Variants in EFCAB5 observed in about 807,000 individuals in gnomAD.
The protein encoded by EFCAB5 is EF-hand calcium-binding domain-containing protein 5.
A neutral mutation model predicts 167.9 loss-of-function variants in EFCAB5; 131 were observed. The ratio of observed to expected loss-of-function variants is 0.78; its 90% confidence interval spans 0.68 to 0.90. EFCAB5 has a LOEUF of 0.90. Ranked by LOEUF, EFCAB5 falls within the 40% of genes least tolerant of loss-of-function variation. The pLI, the probability that EFCAB5 is intolerant of heterozygous loss-of-function variation, is 0.00. For missense variants in EFCAB5, 1,663 were observed against 1,745.2 expected, an observed-to-expected ratio of 0.95 and a Z score of 0.84; for synonymous variants, 574 against 602.8, an observed-to-expected ratio of 0.95 and a Z score of 0.70.
chr17:30,023,612 A>G (rs1375364517), intron 7 of EFCAB5, among the ~76,000 whole-genome samples: 2 of 151,976 alleles, frequency 1.3e-5, no homozygotes, highest in South Asian at 2.1e-4. Context: ...ACAAGGAGGA[A>G]CTGGTACCAT....
chr17:29,971,486 A>G (rs2067954367), intron 4 of EFCAB5, among the ~76,000 whole-genome samples: 1 of 152,150 alleles, frequency 6.6e-6, no homozygotes, highest in Non-Finnish European at 1.5e-5. Flanking sequence ...GGCAGTTTTT[A>G]TATTACTAGT....
At chr17:30,008,470 T>TA (rs1329265186) in intron 7 of EFCAB5, among the ~76,000 whole-genome samples, 1 of 152,034 alleles carries the variant, frequency 6.6e-6, no homozygotes, top group African/African-American at 2.4e-5. Context: ...CATGTGCCTG[T>TA]AGTCCCAGCT....
At chr17:30,043,373 T>G (rs1437486156) in intron 8 of EFCAB5, among the ~76,000 whole-genome samples, 2 of 152,082 alleles carry the variant, frequency 1.3e-5, no homozygotes, top group African/African-American at 2.4e-5. Flanking sequence ...ACTTTTATTT[T>G]ACATTGTACT....
chr17:30,096,524 G>A (rs2071289206), intron 22 of EFCAB5, among the ~76,000 whole-genome samples: 4 of 151,624 alleles, frequency 2.6e-5, no homozygotes, highest in African/African-American at 7.3e-5. Flanking sequence ...CTGCACTCCA[G>A]CCTGGGCAAC....
chr17:30,087,610 AG>A (rs2071114623), intron 19 of EFCAB5, among the ~76,000 whole-genome samples: 1 of 152,138 alleles, frequency 6.6e-6, no homozygotes, highest in South Asian at 2.1e-4. Context: ...GTCCCTGCAA[AG>A]GACATGATCT....
intron 4 of EFCAB5, among the ~76,000 whole-genome samples, chr17:29,976,543 A>G (rs763784148): frequency 1.2e-4 from 19 of 152,282 alleles, no homozygotes; most frequent in Non-Finnish European, 2.6e-4. Context: ...CCTAATCCCT[A>G]TCGACTTAAA....
chr17:29,949,601 T>C (rs979120217), intron 3 of EFCAB5, among the ~76,000 whole-genome samples: 4 of 152,238 alleles, frequency 2.6e-5, no homozygotes, highest in Non-Finnish European at 5.9e-5. Flanking sequence ...ACTATTCAGT[T>C]AAACCTCTGA....
chr17:29,965,221 A>G (rs1286642213), intron 3 of EFCAB5, among the ~76,000 whole-genome samples: 1 of 151,764 alleles, frequency 6.6e-6, no homozygotes, highest in African/African-American at 2.4e-5. Context: ...AAATTTTGAT[A>G]TGTTGTGTAT....
chr17:30,073,903 A>AG, intron 14 of EFCAB5: 1 of 300,674 alleles, frequency 3.3e-6, no homozygotes. Flanking sequence ...CTTAAAAAAA[A>AG]TAAATAAAAG....
chr17:30,008,200 T>C (rs1210227529), intron 7 of EFCAB5, among the ~76,000 whole-genome samples: 2 of 152,162 alleles, frequency 1.3e-5, no homozygotes, highest in Admixed American at 1.3e-4. Flanking sequence ...GAATAGCAGA[T>C]ACATTAAATA....
At chr17:29,965,047 G>A (rs1024304322) in intron 3 of EFCAB5, among the ~76,000 whole-genome samples, 5 of 151,426 alleles carry the variant, frequency 3.3e-5, no homozygotes, top group African/African-American at 7.3e-5. Flanking sequence ...GACTACAGGC[G>A]CCTGCCACCA....
At chr17:30,036,332 TA>T (rs1219273979) in intron 8 of EFCAB5, among the ~76,000 whole-genome samples, 4 of 132,178 alleles carry the variant, frequency 3.0e-5, no homozygotes, top group Non-Finnish European at 6.2e-5. Flanking sequence ...ATATAATATA[TA>T]ATTATATATA....
upstream of EFCAB5, among the ~76,000 whole-genome samples, chr17:29,940,542 G>A (rs2067284158): frequency 6.6e-6 from 1 of 152,182 alleles, no homozygotes; most frequent in African/African-American, 2.4e-5. Flanking sequence ...AGCAATTTCA[G>A]GAGATGGACA....
chr17:29,984,679 C>T (rs1453840106), intron 4 of EFCAB5, among the ~76,000 whole-genome samples: 6 of 152,108 alleles, frequency 3.9e-5, no homozygotes, highest in Non-Finnish European at 1.5e-5. Flanking sequence ...GATTGTGCCA[C>T]TGCACTCCAG....
intron 22 of EFCAB5, among the ~76,000 whole-genome samples, chr17:30,097,053 T>TACATATACATATACATATAC (rs201621184): frequency 3.3e-4 from 30 of 91,556 alleles, no homozygotes; most frequent in East Asian, 1.1e-3. Context: ...CATATACATA[T>TACATATACATATACATATAC]ATATATATTT....
intron 22 of EFCAB5, among the ~76,000 whole-genome samples, chr17:30,106,294 T>TATAA (rs890793846): frequency 1.3e-5 from 2 of 151,454 alleles, no homozygotes; most frequent in African/African-American, 4.8e-5. Context: ...TATTTATAAT[T>TATAA]ATAAATAAAT....
intron 20 of EFCAB5, 63 bp downstream of exon 20, chr17:30,090,737 G>A: frequency 6.5e-7 from 1 of 1,535,900 alleles, no homozygotes; most frequent in Admixed American, 2.1e-5. Flanking sequence ...AAATCACAGG[G>A]AGTGCAATGA....
chr17:29,958,968 C>T (rs2067669233), intron 3 of EFCAB5, among the ~76,000 whole-genome samples: 1 of 152,092 alleles, frequency 6.6e-6, no homozygotes, highest in South Asian at 2.1e-4. Flanking sequence ...TGTTCTCTTC[C>T]CTTACATCTC....
chr17:30,012,781 A>G (rs886218932), intron 7 of EFCAB5, among the ~76,000 whole-genome samples: 3 of 151,958 alleles, frequency 2.0e-5, no homozygotes, highest in African/African-American at 7.2e-5. Context: ...TGGTCCCTAC[A>G]GAATACCTTT....
Sources: allele counts gnomAD v4.1 joint callset (sites outside exome capture counted in the v4.1 genomes callset), GRCh38; gene constraint gnomAD v4.1.1; transcripts MANE v1.5; gene names NCBI Gene and HGNC (gene_info 2026-07-23, HGNC 2026-07-21).